The following MYRIP variants were observed in gnomAD, a reference collection of about 807,000 sequenced individuals.
MYRIP encodes rab effector MyRIP.
A neutral mutation model predicts 98.0 loss-of-function variants in MYRIP; 49 were observed. The observed-to-expected ratio is 0.50, with a 90% CI of 0.40 to 0.63. MYRIP has a LOEUF of 0.63. MYRIP is among the 30% of genes least tolerant of loss of function. MYRIP has a pLI of 0.00. For synonymous variants in MYRIP, 404 were observed against 409.5 expected (o/e 0.99, Z 0.16); for missense variants, 1,004 against 1,058.2 (o/e 0.95, Z 0.71).
intron 1 of MYRIP, among the ~76,000 whole-genome samples, chr3:39,824,513 C>G (rs1415336321): frequency 6.6e-6 from 1 of 151,886 alleles, no homozygotes; most frequent in East Asian, 1.9e-4. Flanking sequence ...CATTTGTATT[C>G]TCTTCAATTT....
At chr3:39,808,952 G>A (rs567850415), upstream of MYRIP, 4 of 152,352 alleles carry the variant, frequency 2.6e-5, no homozygotes, top group East Asian at 7.7e-4. Context: ...GAGACTTGGG[G>A]GCGCATTAGC....
chr3:39,993,144 A>G (rs1024468941), intron 2 of MYRIP, among the ~76,000 whole-genome samples: 1 of 152,178 alleles, frequency 6.6e-6, no homozygotes, highest in Admixed American at 6.5e-5. Context: ...GTGTCATCCC[A>G]TGACAGAAAG....
At chr3:39,997,672 T>C (rs1946399062) in intron 2 of MYRIP, among the ~76,000 whole-genome samples, 1 of 152,172 alleles carries the variant, frequency 6.6e-6, no homozygotes, top group Non-Finnish European at 1.5e-5. Flanking sequence ...GAATCCTCCC[T>C]AACTCATTTT....
chr3:40,127,725 T>C (rs896946147), intron 3 of MYRIP, among the ~76,000 whole-genome samples: 2 of 152,206 alleles, frequency 1.3e-5, no homozygotes, highest in African/African-American at 4.8e-5. Context: ...TGTCAGCCTA[T>C]GCAGGGAGGT....
chr3:39,927,198 T>G (rs1173123559), intron 2 of MYRIP, among the ~76,000 whole-genome samples: 3 of 152,118 alleles, frequency 2.0e-5, no homozygotes, highest in Non-Finnish European at 4.4e-5. Flanking sequence ...TTTCCTGAAC[T>G]TATTTATCAG....
chr3:39,893,951 G>A (rs750921891), intron 1 of MYRIP, among the ~76,000 whole-genome samples: 18 of 151,976 alleles, frequency 1.2e-4, no homozygotes, highest in Middle Eastern at 6.8e-3. Flanking sequence ...AATGAATATC[G>A]TCATATATAT....
At chr3:39,990,468 A>G (rs1256788859) in intron 2 of MYRIP, among the ~76,000 whole-genome samples, 2 of 152,122 alleles carry the variant, frequency 1.3e-5, no homozygotes, top group East Asian at 3.9e-4. Flanking sequence ...GTGTTTTCTT[A>G]TCTGAACAAT....
intron 2 of MYRIP, among the ~76,000 whole-genome samples, chr3:39,930,087 C>A (rs1944502454): frequency 6.6e-6 from 1 of 151,958 alleles, no homozygotes; most frequent in African/African-American, 2.4e-5. Flanking sequence ...AGTGGAATTG[C>A]TAGTTCATAT....
At chr3:39,855,433 G>C (rs553629043) in intron 1 of MYRIP, among the ~76,000 whole-genome samples, 14 of 152,162 alleles carry the variant, frequency 9.2e-5, no homozygotes, top group African/African-American at 3.1e-4. Flanking sequence ...TACCAGAGCA[G>C]GTAGGGAAAT....
chr3:40,238,507 A>G (rs1324963907), intron 12 of MYRIP: 1 of 152,210 alleles, frequency 6.6e-6, no homozygotes, highest in Non-Finnish European at 1.5e-5. Flanking sequence ...AGAAACGGTG[A>G]CACTATTCTC....
intron 2 of MYRIP, among the ~76,000 whole-genome samples, chr3:39,965,890 T>C (rs1325697486): frequency 6.6e-6 from 1 of 152,132 alleles, no homozygotes; most frequent in Admixed American, 6.6e-5. Flanking sequence ...CAAAATAATA[T>C]ACATTTCTGC....
chr3:40,000,618 T>C (rs768487690), intron 2 of MYRIP, among the ~76,000 whole-genome samples: 78 of 152,226 alleles, frequency 5.1e-4, no homozygotes, highest in Admixed American at 1.0e-3. Context: ...TGGGAGGTAC[T>C]TGAGGGACTT....
intron 2 of MYRIP, among the ~76,000 whole-genome samples, chr3:39,931,916 C>G (rs951692500): frequency 1.6e-4 from 24 of 152,008 alleles, no homozygotes; most frequent in Non-Finnish European, 3.4e-4. Context: ...TTCTAATATT[C>G]TGTTGAGGAT....
At chr3:39,809,498 C>T (rs981870622), upstream of MYRIP, 2 of 147,874 alleles carry the variant, frequency 1.4e-5, no homozygotes, top group Non-Finnish European at 3.0e-5. Context: ...GGCCGCCCCT[C>T]CCGCCGGGCG....
chr3:40,078,265 C>G (rs975699149), intron 3 of MYRIP, among the ~76,000 whole-genome samples: 2 of 152,194 alleles, frequency 1.3e-5, no homozygotes, highest in East Asian at 1.9e-4. Context: ...CCAGCTGGCC[C>G]GAAAGCGCTG....
At chr3:39,864,960 G>A (rs1942579036) in intron 1 of MYRIP, among the ~76,000 whole-genome samples, 1 of 152,014 alleles carries the variant, frequency 6.6e-6, no homozygotes, top group Non-Finnish European at 1.5e-5. Flanking sequence ...CAGATACATA[G>A]ACCAATGGAA....
intron 2 of MYRIP, among the ~76,000 whole-genome samples, chr3:39,977,538 A>G (rs1013341122): frequency 3.3e-5 from 5 of 152,186 alleles, no homozygotes; most frequent in African/African-American, 1.2e-4. Context: ...TGCCTTTGGC[A>G]TCCACCTCCA....
intron 1 of MYRIP, among the ~76,000 whole-genome samples, chr3:39,888,767 C>T (rs1404263467): frequency 5.3e-5 from 8 of 152,094 alleles, no homozygotes; most frequent in African/African-American, 1.2e-4. Context: ...AGAAAATTTT[C>T]GCAACCTACT....
chr3:39,813,512 TTAAGA>T (rs1231363634), intron 1 of MYRIP, among the ~76,000 whole-genome samples: 2 of 152,296 alleles, frequency 1.3e-5, no homozygotes, highest in African/African-American at 4.8e-5. Context: ...CTTTCCAATT[TTAAGA>T]TAAAAGAACT....
Sources: gnomAD v4.1 joint callset for allele counts (sites outside exome capture counted in the v4.1 genomes callset) on GRCh38, gnomAD v4.1.1 for gene constraint, MANE v1.5 for transcripts, NCBI Gene and HGNC (gene_info 2026-07-23, HGNC 2026-07-21) for gene names.